The following CYRIB variants were observed in gnomAD, a reference collection of about 807,000 sequenced individuals.
The protein encoded by CYRIB is CYFIP related Rac1 interactor B, also known as CYFIP-related Rac1 interactor B.
CYRIB carries 8 observed loss-of-function variants against 44.2 expected under a neutral mutation model. That is an observed-to-expected ratio of 0.18 (90% confidence interval 0.11 to 0.33). CYRIB has a LOEUF of 0.33. Ranked by LOEUF, CYRIB falls within the 10% of genes least tolerant of loss-of-function variation. CYRIB has a pLI of 1.00. For synonymous variants in CYRIB, 131 were observed against 127.2 expected (o/e 1.03, Z -0.20); for missense variants, 185 against 382.8 (o/e 0.48, Z 4.31).
rs541310512 is a variant in CYRIB, at chr8:129,848,360, G to A, written c.840+883C>T. On this transcript the variant is annotated intron_variant, in intron 10 of 11. Coordinates refer to ENST00000519824, the Ensembl canonical transcript of CYRIB. ...CCTAAACTAGCTATGAAAGGGAAAC[G>A]GGAAGACAATTCTCACCAAACACTA... is the stretch of plus-strand genomic sequence containing the variant. Among the ~76,000 whole-genome samples, 75 of 152,264 alleles carry A rather than the reference G, an allele frequency of 4.9e-4. 1 individual carries two copies. The highest frequency in any genetic ancestry group is 1.7e-3 in the African/African-American group (71 of 41,540).
At chr8:129,965,924 T>C (rs909310172) in intron 2 of CYRIB, among the ~76,000 whole-genome samples, 1 of 152,126 alleles carries the variant, frequency 6.6e-6, no homozygotes, top group Non-Finnish European at 1.5e-5. Context: ...CAGTCTCGGC[T>C]CACTGCAGCC....
At chr8:129,893,094 G>T (rs189825544) in intron 2 of CYRIB, among the ~76,000 whole-genome samples, 2 of 152,320 alleles carry the variant, frequency 1.3e-5, no homozygotes, top group African/African-American at 4.8e-5. Context: ...ATGTCTCACT[G>T]AAAGATGCCC....
chr8:129,977,664 C>G (rs370066905), intron 1 of CYRIB, among the ~76,000 whole-genome samples: 1 of 151,762 alleles, frequency 6.6e-6, no homozygotes, highest in Non-Finnish European at 1.5e-5. Context: ...CCCAAGTAGC[C>G]GGGACTACAG....
intron 1 of CYRIB, among the ~76,000 whole-genome samples, chr8:129,907,927 G>A (rs1214519879): frequency 6.6e-6 from 1 of 152,186 alleles, no homozygotes; most frequent in Non-Finnish European, 1.5e-5. Context: ...GCCTGAACCT[G>A]GGAGGCAGAG....
intron 11 of CYRIB, chr8:129,844,650 G>T (rs569054642): frequency 6.6e-6 from 1 of 152,202 alleles, no homozygotes; most frequent in East Asian, 1.9e-4. Context: ...AGTAGCACAG[G>T]AAGTTCTATA....
chr8:129,971,513 T>G (rs1048823614), intron 1 of CYRIB, among the ~76,000 whole-genome samples: 7 of 152,318 alleles, frequency 4.6e-5, no homozygotes, highest in African/African-American at 1.7e-4. Context: ...GTTGAATAAT[T>G]TGCTGAAGGT....
At chr8:130,003,918 G>A (rs970799595) in intron 1 of CYRIB, among the ~76,000 whole-genome samples, 1 of 152,208 alleles carries the variant, frequency 6.6e-6, no homozygotes, top group Non-Finnish European at 1.5e-5. Context: ...CCTGGATGGG[G>A]CCTTCAACTG....
At chr8:130,005,313 G>C (rs1435234211) in intron 1 of CYRIB, among the ~76,000 whole-genome samples, 2 of 152,132 alleles carry the variant, frequency 1.3e-5, no homozygotes, top group Non-Finnish European at 2.9e-5. Context: ...CAGGCTGGTG[G>C]GTGCTAGGGC....
chr8:129,866,340 T>C (rs1444652788), intron 4 of CYRIB, among the ~76,000 whole-genome samples: 1 of 152,214 alleles, frequency 6.6e-6, no homozygotes, highest in Admixed American at 6.5e-5. Context: ...TTCTTCTCAA[T>C]TCTGGATTTG....
intron 2 of CYRIB, among the ~76,000 whole-genome samples, chr8:129,885,172 A>G (rs2134254582): frequency 6.6e-6 from 1 of 152,280 alleles, no homozygotes. Context: ...TCCTCTTCCT[A>G]GAATGCTAGT....
intron 2 of CYRIB, among the ~76,000 whole-genome samples, chr8:129,955,787 G>A (rs1452296601): frequency 6.6e-6 from 1 of 152,114 alleles, no homozygotes; most frequent in Non-Finnish European, 1.5e-5. Context: ...TTAATAGCCT[G>A]GTTTACTGCA....
intron 1 of CYRIB, among the ~76,000 whole-genome samples, chr8:130,015,766 A>T (rs1389692244): frequency 1.3e-5 from 2 of 152,236 alleles, no homozygotes; most frequent in African/African-American, 2.4e-5. Context: ...CTGAACTTCC[A>T]TTTAAAAAGA....
chr8:129,943,911 TAAAAA>T (rs545370945), upstream of CYRIB, among the ~76,000 whole-genome samples: 1 of 108,058 alleles, frequency 9.3e-6, no homozygotes, highest in Non-Finnish European at 1.8e-5. Context: ...GACTCCATCT[TAAAAA>T]AAAAAAAAAA....
At position 129,957,975 on chromosome 8, in the gene CYRIB, A is replaced by C. The variant is rs557042379; in HGVS notation, c.-243+12968T>G. ...ACGAGACTCCATCTCAAAAAAAAAA[A>C]AAAAAATACAAAAAATACAAAAAAT... On this transcript the variant is annotated intron_variant, in intron 2 of 14. Coordinates refer to the CYRIB transcript ENST00000401979. Among the ~76,000 whole-genome samples, 15 of 151,350 alleles carry C rather than the reference A, an allele frequency of 9.9e-5. No individual in the cohort carries two copies. In the East Asian group the frequency reaches 1.2e-3, roughly 12 times the overall value.
intron 1 of CYRIB, 145 bp downstream of exon 1, chr8:130,016,225 C>G (rs1386853026): frequency 6.8e-6 from 1 of 147,384 alleles, no homozygotes; most frequent in Non-Finnish European, 1.5e-5. Flanking sequence ...GCGCCCGGCC[C>G]GGCGGCCCGG....
At chr8:129,930,527 A>G (rs1477377265) in intron 1 of CYRIB, among the ~76,000 whole-genome samples, 1 of 151,674 alleles carries the variant, frequency 6.6e-6, no homozygotes, top group Non-Finnish European at 1.5e-5. Context: ...TAAGTTCTTA[A>G]AAGACACACA....
intron 3 of CYRIB, among the ~76,000 whole-genome samples, chr8:129,873,630 G>C (rs116974158): frequency 1.3e-5 from 2 of 152,078 alleles, no homozygotes; most frequent in Admixed American, 6.5e-5. Context: ...CAATAGTTTA[G>C]CTATTATATA....
At chr8:129,907,362 T>C (rs1304198275) in intron 1 of CYRIB, among the ~76,000 whole-genome samples, 3 of 151,724 alleles carry the variant, frequency 2.0e-5, no homozygotes, top group South Asian at 2.1e-4. Context: ...AACCAAACAC[T>C]GCATGTTCTC....
chr8:129,966,147 G>A (rs544258835), intron 2 of CYRIB, among the ~76,000 whole-genome samples: 21 of 152,270 alleles, frequency 1.4e-4, no homozygotes, highest in African/African-American at 4.6e-4. Context: ...GAGCCAATGC[G>A]CCCAGCCTAA....
Sources: gnomAD v4.1 joint callset for allele counts (sites outside exome capture counted in the v4.1 genomes callset) on GRCh38, gnomAD v4.1.1 for gene constraint, MANE v1.5 for transcripts, NCBI Gene and HGNC (gene_info 2026-07-23, HGNC 2026-07-21) for gene names.